Variants in KAZN observed in about 807,000 individuals in gnomAD.
KAZN encodes the protein kazrin, periplakin interacting protein, also known as kazrin.
A neutral mutation model predicts 87.4 loss-of-function variants in KAZN; 40 were observed. The observed-to-expected ratio is 0.46, with a 90% CI of 0.36 to 0.60. The LOEUF is 0.60. Ranked by LOEUF, KAZN falls within the 20% of genes least tolerant of loss-of-function variation. KAZN has a pLI of 0.00. For synonymous variants in KAZN, 466 were observed against 458.3 expected (o/e 1.02, Z -0.22); for missense variants, 898 against 1,073.9 (o/e 0.84, Z 2.29).
intron 1 of KAZN, among the ~76,000 whole-genome samples, chr1:13,929,527 A>G (rs1640427042): frequency 6.6e-6 from 1 of 152,164 alleles, no homozygotes; most frequent in Admixed American, 6.5e-5. Context: ...TGATGCTCAC[A>G]TCAATGTCAG....
chr1:14,160,622 A>C (rs1161202976), intron 1 of KAZN, among the ~76,000 whole-genome samples: 1 of 152,140 alleles, frequency 6.6e-6, no homozygotes, highest in Admixed American at 6.5e-5. Flanking sequence ...ATAGTTGTTA[A>C]CTTGGTGTCC....
At chr1:14,530,307 G>A (rs1672138249) in intron 2 of KAZN, among the ~76,000 whole-genome samples, 2 of 152,210 alleles carry the variant, frequency 1.3e-5, no homozygotes, top group Non-Finnish European at 2.9e-5. Context: ...GAGAGTCTGA[G>A]CCACCTCTAA....
chr1:14,162,749 T>TC (rs1645737528), intron 1 of KAZN, among the ~76,000 whole-genome samples: 1 of 152,102 alleles, frequency 6.6e-6, no homozygotes, highest in Admixed American at 6.5e-5. Flanking sequence ...TTTCACCGTG[T>TC]TAGCCAGGAT....
chr1:14,271,165 C>T (rs1651893197), intron 2 of KAZN, among the ~76,000 whole-genome samples: 1 of 152,178 alleles, frequency 6.6e-6, no homozygotes, highest in Non-Finnish European at 1.5e-5. Context: ...ATGTCTGTGT[C>T]CTATCTTCCT....
intron 1 of KAZN, among the ~76,000 whole-genome samples, chr1:14,064,743 T>C (rs1395952535): frequency 1.3e-5 from 2 of 152,124 alleles, no homozygotes; most frequent in Non-Finnish European, 2.9e-5. Flanking sequence ...GGTGCTTTTG[T>C]GTAAGGTTGA....
intron 1 of KAZN, among the ~76,000 whole-genome samples, chr1:14,766,670 C>T (rs562488946): frequency 1.3e-5 from 2 of 148,530 alleles, no homozygotes. Flanking sequence ...CAGTCCTCCC[C>T]CTGTTGGAGC....
intron 8 of KAZN, among the ~76,000 whole-genome samples, chr1:15,070,073 T>C (rs1304259111): frequency 2.0e-5 from 3 of 152,008 alleles, no homozygotes; most frequent in Non-Finnish European, 4.4e-5. Flanking sequence ...TGGGAGACAA[T>C]AGAAGTGGGC....
At chr1:14,924,285 G>T in intron 1 of KAZN, 1 of 983,528 alleles carries the variant, frequency 1.0e-6, no homozygotes, top group South Asian at 4.6e-5. Flanking sequence ...ATGCGGCGGC[G>T]ACCTCCGGGT....
chr1:14,650,244 A>G (rs1638273781), intron 1 of KAZN, among the ~76,000 whole-genome samples: 1 of 152,136 alleles, frequency 6.6e-6, no homozygotes, highest in South Asian at 2.1e-4. Flanking sequence ...TACAAGAAAC[A>G]TTAAACCAAA....
At chr1:14,424,174 A>G (rs1222408992) in intron 2 of KAZN, among the ~76,000 whole-genome samples, 2 of 152,160 alleles carry the variant, frequency 1.3e-5, no homozygotes, top group African/African-American at 4.8e-5. Context: ...TTTTCTAGAA[A>G]ATGAGAATGA....
chr1:14,199,740 G>T (rs1244304638), intron 2 of KAZN, among the ~76,000 whole-genome samples: 1 of 152,196 alleles, frequency 6.6e-6, no homozygotes, highest in Non-Finnish European at 1.5e-5. Context: ...AAGAGAGCTT[G>T]CAGCAAAGAC....
At position 15,032,883 on chromosome 1, in the gene KAZN, A is replaced by T. The variant is rs1287003900; in HGVS notation, c.419-1866A>T. Among the ~76,000 whole-genome samples the T allele has an allele frequency of 4.6e-5, 7 of 151,826 alleles. No homozygotes were observed. The East Asian group carries it at 1.2e-3, about 25-fold the overall frequency. Reference sequence around the variant, plus strand: ...AGAATCACTCGAACCCGGGAGGCGGAGATTGCAGTGAGCCGAAATCGCGGC... The same window carrying T: ...AGAATCACTCGAACCCGGGAGGCGGTGATTGCAGTGAGCCGAAATCGCGGC... On this transcript the variant is annotated intron_variant, in intron 2 of 14. Coordinates refer to ENST00000376030, the MANE Select transcript of KAZN (RefSeq NM_201628.3).
chr1:14,669,699 A>G (rs1057132544), intron 1 of KAZN, among the ~76,000 whole-genome samples: 1 of 152,202 alleles, frequency 6.6e-6, no homozygotes, highest in South Asian at 2.1e-4. Context: ...GTGAGCCAAG[A>G]TCGTGTCATT....
At chr1:13,978,879 T>G (rs1388695962) in intron 1 of KAZN, among the ~76,000 whole-genome samples, 1 of 151,308 alleles carries the variant, frequency 6.6e-6, no homozygotes, top group Non-Finnish European at 1.5e-5. Flanking sequence ...GGTGGGAGGA[T>G]CGCTTGAGCT....
chr1:14,891,005 G>A (rs1057499970), intron 1 of KAZN, among the ~76,000 whole-genome samples: 5 of 151,524 alleles, frequency 3.3e-5, no homozygotes, highest in Admixed American at 6.6e-5. Flanking sequence ...CACCACGCCC[G>A]GCTAACTTTT....
chr1:14,519,916 G>A (rs1557773645), intron 2 of KAZN, among the ~76,000 whole-genome samples: 1 of 152,070 alleles, frequency 6.6e-6, no homozygotes, highest in Non-Finnish European at 1.5e-5. Flanking sequence ...GTGTCCTCAG[G>A]CACCCAGAGG....
chr1:14,257,974 A>G (rs1650672314), intron 2 of KAZN, among the ~76,000 whole-genome samples: 1 of 120,556 alleles, frequency 8.3e-6, no homozygotes, highest in Admixed American at 8.8e-5. Context: ...AAAAAAAAAG[A>G]GAAAAAAAAA....
intron 2 of KAZN, among the ~76,000 whole-genome samples, chr1:14,251,030 G>A (rs1374376234): frequency 6.6e-6 from 1 of 152,058 alleles, no homozygotes; most frequent in Non-Finnish European, 1.5e-5. Context: ...CTTCCAGAAT[G>A]CCCCCTAGTG....
intron 2 of KAZN, among the ~76,000 whole-genome samples, chr1:14,534,374 A>G (rs772617466): frequency 1.3e-5 from 2 of 152,166 alleles, no homozygotes; most frequent in African/African-American, 2.4e-5. Context: ...GCTGGGTGCA[A>G]TGACTCACGC....
Sources: allele counts gnomAD v4.1 joint callset (sites outside exome capture counted in the v4.1 genomes callset), GRCh38; gene constraint gnomAD v4.1.1; transcripts MANE v1.5; gene names NCBI Gene and HGNC (gene_info 2026-07-23, HGNC 2026-07-21).